NCK2: variants seen among roughly 807,000 people sequenced by gnomAD.
The protein encoded by NCK2 is NCK adaptor protein 2, also known as cytoplasmic protein NCK2.
In NCK2, 16 loss-of-function variants were observed where a neutral mutation model predicts 33.9. The observed-to-expected ratio is 0.47, with a 90% CI of 0.32 to 0.72. The LOEUF (loss-of-function observed/expected upper bound fraction) is 0.72. Ranked by LOEUF, NCK2 falls within the 30% of genes least tolerant of loss-of-function variation. The pLI, the probability that NCK2 is intolerant of heterozygous loss-of-function variation, is 0.03. For missense variants in NCK2, 418 were observed against 537.3 expected, an observed-to-expected ratio of 0.78 and a Z score of 2.19; for synonymous variants, 273 against 239.9, an observed-to-expected ratio of 1.14 and a Z score of -1.27.
intron 2 of NCK2, among the ~76,000 whole-genome samples, chr2:105,835,600 G>A (rs1676401085): frequency 1.3e-5 from 2 of 151,010 alleles, no homozygotes; most frequent in African/African-American, 4.9e-5. Context: ...GAACTGCAAT[G>A]TGCCTTGGAG....
chr2:105,843,212 CAT>C (rs1159333772), intron 2 of NCK2, among the ~76,000 whole-genome samples: 1 of 151,762 alleles, frequency 6.6e-6, no homozygotes, highest in Non-Finnish European at 1.5e-5. Context: ...ATTTATGTTT[CAT>C]ATATATATAG....
At chr2:105,834,335 T>C (rs1676309229) in intron 2 of NCK2, among the ~76,000 whole-genome samples, 1 of 152,258 alleles carries the variant, frequency 6.6e-6, no homozygotes, top group African/African-American at 2.4e-5. Flanking sequence ...TGGGTACATA[T>C]ATATTTACAA....
At chr2:105,843,441 G>A (rs1386079413) in intron 2 of NCK2, among the ~76,000 whole-genome samples, 2 of 151,364 alleles carry the variant, frequency 1.3e-5, no homozygotes, top group African/African-American at 4.8e-5. Context: ...TTTTGTAAAG[G>A]ATTCATGTGT....
chr2:105,873,900 G>A (rs1678128654), intron 3 of NCK2, among the ~76,000 whole-genome samples: 1 of 152,082 alleles, frequency 6.6e-6, no homozygotes, highest in African/African-American at 2.4e-5. Context: ...GTCCTCCTAG[G>A]GACGGTATTT....
intron 1 of NCK2, among the ~76,000 whole-genome samples, chr2:105,771,439 G>T (rs997509197): frequency 6.6e-6 from 1 of 151,868 alleles, no homozygotes; most frequent in Non-Finnish European, 1.5e-5. Flanking sequence ...TGGTGAGGGC[G>T]CCTGTAATCC....
At chr2:105,745,472 C>T (rs1039059684) in intron 1 of NCK2, among the ~76,000 whole-genome samples, 3 of 151,826 alleles carry the variant, frequency 2.0e-5, no homozygotes, top group African/African-American at 7.3e-5. Context: ...GGACTGGAGA[C>T]CCCCGGGTGC....
intron 1 of NCK2, among the ~76,000 whole-genome samples, chr2:105,782,019 C>T (rs1426762122): frequency 6.6e-6 from 1 of 152,194 alleles, no homozygotes; most frequent in Non-Finnish European, 1.5e-5. Context: ...TGCGGCCCAT[C>T]AGGTCCCTCA....
chr2:105,829,377 C>T (rs1170229395), intron 2 of NCK2, among the ~76,000 whole-genome samples: 1 of 152,120 alleles, frequency 6.6e-6, no homozygotes, highest in Non-Finnish European at 1.5e-5. Context: ...TATTTAGCAT[C>T]TAGTTACCCT....
chr2:105,750,972 G>A (rs1689435547), intron 1 of NCK2, among the ~76,000 whole-genome samples: 1 of 152,180 alleles, frequency 6.6e-6, no homozygotes, highest in Non-Finnish European at 1.5e-5. Context: ...ACGGTGGTGA[G>A]GTGCACCCTG....
intron 1 of NCK2, among the ~76,000 whole-genome samples, chr2:105,786,830 C>T (rs1234163818): frequency 7.0e-6 from 1 of 143,742 alleles, no homozygotes; most frequent in African/African-American, 2.6e-5. Flanking sequence ...TGGGCCAGTG[C>T]CTTCTACCAG....
chr2:105,747,455 A>G (rs1347174594), intron 1 of NCK2, among the ~76,000 whole-genome samples: 2 of 152,148 alleles, frequency 1.3e-5, no homozygotes, highest in African/African-American at 2.4e-5. Flanking sequence ...GCGAGGCTCT[A>G]TGGGACACCC....
intron 3 of NCK2, among the ~76,000 whole-genome samples, chr2:105,863,337 G>A (rs183828200): frequency 7.9e-5 from 12 of 152,256 alleles, no homozygotes; most frequent in South Asian, 2.1e-4. Flanking sequence ...CCTGGTTCTC[G>A]TGGAAGCCGA....
intron 2 of NCK2, among the ~76,000 whole-genome samples, chr2:105,829,921 TTTTG>T (rs1223607810): frequency 2.9e-5 from 3 of 101,976 alleles, no homozygotes; most frequent in African/African-American, 2.1e-4. Context: ...TTCATTCTCT[TTTTG>T]TTTTTTTGAG....
At chr2:105,783,710 T>G (rs182623745) in intron 1 of NCK2, among the ~76,000 whole-genome samples, 103 of 150,272 alleles carry the variant, frequency 6.9e-4, no homozygotes, top group African/African-American at 1.8e-3. Context: ...TCAGATTATG[T>G]TTTTTTTTCG....
At chr2:105,765,813 G>GTGTC (rs893541187) in intron 1 of NCK2, among the ~76,000 whole-genome samples, 13 of 151,606 alleles carry the variant, frequency 8.6e-5, no homozygotes, top group African/African-American at 3.1e-4. Flanking sequence ...GTGTGTGTGT[G>GTGTC]TGTCTGTGTG....
chr2:105,758,411 T>TTG (rs1250407654), intron 1 of NCK2, among the ~76,000 whole-genome samples: 4 of 131,530 alleles, frequency 3.0e-5, no homozygotes, highest in African/African-American at 8.0e-5. Flanking sequence ...TTTGTTGTTT[T>TTG]TGTTTTTTTT....
At chr2:105,769,305 C>T (rs559325208) in intron 1 of NCK2, among the ~76,000 whole-genome samples, 9 of 132,624 alleles carry the variant, frequency 6.8e-5, no homozygotes, top group South Asian at 2.9e-4. Flanking sequence ...CAGCTGGCTG[C>T]GCCCTATTTA....
intron 3 of NCK2, among the ~76,000 whole-genome samples, chr2:105,858,917 C>T (rs1005998866): frequency 2.0e-5 from 3 of 152,214 alleles, no homozygotes; most frequent in Non-Finnish European, 4.4e-5. Context: ...AGCTTATGAT[C>T]ATGAATAGTC....
intron 1 of NCK2, among the ~76,000 whole-genome samples, chr2:105,764,808 C>G (rs1224709504): frequency 6.6e-6 from 1 of 152,114 alleles, no homozygotes; most frequent in Non-Finnish European, 1.5e-5. Flanking sequence ...GTATTTATAA[C>G]TTTTGTATAA....
Sources: gnomAD v4.1 joint callset for allele counts (sites outside exome capture counted in the v4.1 genomes callset) on GRCh38, gnomAD v4.1.1 for gene constraint, MANE v1.5 for transcripts, NCBI Gene and HGNC (gene_info 2026-07-23, HGNC 2026-07-21) for gene names.